Variants in SLMAP observed in about 807,000 individuals in gnomAD.
SLMAP encodes the protein sarcolemmal membrane-associated protein.
SLMAP carries 44 observed loss-of-function variants against 128.8 expected under a neutral mutation model. The observed-to-expected ratio is 0.34, with a 90% CI of 0.27 to 0.44. The LOEUF (loss-of-function observed/expected upper bound fraction) is 0.44, where lower values mean the gene tolerates loss of function less well. SLMAP is among the 20% of genes least tolerant of loss of function. The pLI is 1.00. For missense variants in SLMAP, 787 were observed against 985.3 expected, an observed-to-expected ratio of 0.80 and a Z score of 2.69; for synonymous variants, 327 against 348.8, an observed-to-expected ratio of 0.94 and a Z score of 0.70.
At chr3:57,853,792 C>G (rs1577678305) in intron 6 of SLMAP, among the ~76,000 whole-genome samples, 1 of 149,888 alleles carries the variant, frequency 6.7e-6, no homozygotes, top group Non-Finnish European at 1.5e-5. Context: ...AAATACAAAA[C>G]CAGCTGGGCG....
At chr3:57,902,943 T>A (rs1403195744) in intron 17 of SLMAP, among the ~76,000 whole-genome samples, 5 of 152,192 alleles carry the variant, frequency 3.3e-5, no homozygotes, top group Non-Finnish European at 2.9e-5. Context: ...TGCAGCTGGA[T>A]GTGCAGAACA....
intron 2 of SLMAP, among the ~76,000 whole-genome samples, chr3:57,787,334 C>G (rs985010455): frequency 1.3e-5 from 2 of 151,992 alleles, no homozygotes; most frequent in African/African-American, 4.8e-5. Flanking sequence ...CTTTATGTTA[C>G]CCATTAATCG....
At chr3:57,917,331 T>C (rs1226686320) in intron 22 of SLMAP, 4 of 807,116 alleles carry the variant, frequency 5.0e-6, no homozygotes, top group South Asian at 1.9e-5. Context: ...CAGTTACTTA[T>C]ATGAGAAATC....
chr3:57,766,521 A>G (rs995721195), intron 2 of SLMAP, among the ~76,000 whole-genome samples: 1 of 152,212 alleles, frequency 6.6e-6, no homozygotes, highest in African/African-American at 2.4e-5. Context: ...TTTACAGTCC[A>G]GACTCTTTCC....
chr3:57,857,855 A>C, intron 7 of SLMAP, 27 bp downstream of exon 7: 1 of 1,417,642 alleles, frequency 7.1e-7, no homozygotes, highest in South Asian at 1.2e-5. Context: ...ATATTTAAGA[A>C]ACATTTAAAC....
At chr3:57,903,096 G>A (rs971271541) in intron 17 of SLMAP, among the ~76,000 whole-genome samples, 10 of 152,316 alleles carry the variant, frequency 6.6e-5, no homozygotes, top group African/African-American at 2.4e-4. Flanking sequence ...GTGAACAGTG[G>A]TAGCAGAGGG....
chr3:57,886,285 A>G (rs1487658198), intron 14 of SLMAP, among the ~76,000 whole-genome samples: 9 of 135,466 alleles, frequency 6.6e-5, no homozygotes, highest in African/African-American at 1.4e-4. Flanking sequence ...TTTTAGTAGA[A>G]CCGGGTTTTC....
intron 2 of SLMAP, among the ~76,000 whole-genome samples, chr3:57,775,509 CAAA>C (rs1009755128): frequency 8.0e-3 from 169 of 21,132 alleles, no homozygotes; most frequent in African/African-American, 0.017. Context: ...CCTGTTGGTA[CAAA>C]AAAAAAAAAA....
Position 57,909,073 on chromosome 3 carries a change from T to C in SLMAP, c.1625-3T>C, listed in dbSNP as rs900930795. On this transcript the variant is annotated splice_polypyrimidine_tract_variant and splice_region_variant and intron_variant, in intron 18 of 24. Coordinates refer to ENST00000671191, the MANE Select transcript of SLMAP (RefSeq NM_001377540.1). ...TTAATAGATACTGTGTTTTTACTTT[T>C]AGCTCTTTTGGAAGAAGAAAGAAAA... 1.3e-6 allele frequency: 2 copies of C among 1,599,762 alleles called. No individual in the cohort carries two copies. Among genetic ancestry groups the C allele is most frequent in the African/African-American group, 2.7e-5 (2 of 74,484 alleles).
rs1387457720 is a variant in SLMAP, at chr3:57,804,849, A to G, written c.199-26534A>G. On this transcript the variant is annotated intron_variant, in intron 2 of 24. Coordinates refer to ENST00000671191, the MANE Select transcript of SLMAP (RefSeq NM_001377540.1). ...CTATCACTGTAAATGATCTTCTCCT[A>G]TAGGTAGGGATACATCTGTGTTTGA... Among the ~76,000 whole-genome samples, 4 of 152,170 alleles carry G rather than the reference A, an allele frequency of 2.6e-5. No homozygotes were observed. In the East Asian group the frequency reaches 5.8e-4, roughly 22 times the overall value.
At chr3:57,914,927 C>G (rs911400868) in intron 21 of SLMAP, among the ~76,000 whole-genome samples, 1 of 150,538 alleles carries the variant, frequency 6.6e-6, no homozygotes, top group Admixed American at 6.6e-5. Context: ...ATTCAGTTGC[C>G]CAGGCTGGAG....
At chr3:57,825,139 A>G (rs1378602759) in intron 2 of SLMAP, among the ~76,000 whole-genome samples, 1 of 151,742 alleles carries the variant, frequency 6.6e-6, no homozygotes, top group African/African-American at 2.4e-5. Context: ...CATAGTTTTC[A>G]TGTGAATTCT....
chr3:57,913,511 A>C (rs895791695), intron 21 of SLMAP, among the ~76,000 whole-genome samples: 1 of 152,166 alleles, frequency 6.6e-6, no homozygotes, highest in Admixed American at 6.5e-5. Flanking sequence ...AGATTCATTA[A>C]ATGTCCCAAA....
chr3:57,868,346 C>A (rs1035408372), intron 13 of SLMAP, among the ~76,000 whole-genome samples: 1 of 151,724 alleles, frequency 6.6e-6, no homozygotes, highest in Non-Finnish European at 1.5e-5. Flanking sequence ...GTAATCCCAG[C>A]AAGGGAGGAT....
At chr3:57,845,845 A>AC (rs1227658885) in intron 4 of SLMAP, among the ~76,000 whole-genome samples, 1 of 146,290 alleles carries the variant, frequency 6.8e-6, no homozygotes, top group Non-Finnish European at 1.5e-5. Context: ...TCTCCCCCCC[A>AC]CCTTTTTTTT....
intron 17 of SLMAP, among the ~76,000 whole-genome samples, chr3:57,905,001 A>T (rs549150273): frequency 7.9e-5 from 12 of 152,148 alleles, no homozygotes; most frequent in African/African-American, 2.9e-4. Context: ...CAGGAGGTCA[A>T]TTAAGGCTGC....
At chr3:57,889,851 A>C in intron 14 of SLMAP, 190 bp from the exon 15 acceptor site, 1 of 461,028 alleles carries the variant, frequency 2.2e-6, no homozygotes, top group Non-Finnish European at 3.9e-6. Context: ...AGTTTTCTGC[A>C]TTAACGTGAT....
intron 6 of SLMAP, among the ~76,000 whole-genome samples, chr3:57,855,818 C>T (rs1251388170): frequency 3.3e-5 from 5 of 150,712 alleles, no homozygotes; most frequent in South Asian, 4.2e-4. Flanking sequence ...CCAAGGCGGG[C>T]GGATCACTTG....
chr3:57,833,155 A>G (rs2093438190), intron 3 of SLMAP, among the ~76,000 whole-genome samples: 1 of 152,236 alleles, frequency 6.6e-6, no homozygotes, highest in African/African-American at 2.4e-5. Context: ...TTGATTGACA[A>G]AAAGGATGAG....
Sources: allele counts gnomAD v4.1 joint callset (sites outside exome capture counted in the v4.1 genomes callset), GRCh38; gene constraint gnomAD v4.1.1; transcripts MANE v1.5; gene names NCBI Gene and HGNC (gene_info 2026-07-23, HGNC 2026-07-21).